The following CSGALNACT1 variants were observed in gnomAD, a reference collection of about 807,000 sequenced individuals.
The protein encoded by CSGALNACT1 is chondroitin sulfate N-acetylgalactosaminyltransferase 1.
In CSGALNACT1, 52 loss-of-function variants were observed where a neutral mutation model predicts 51.0. The observed-to-expected ratio is 1.02, with a 90% confidence interval of 0.82 to 1.29. The LOEUF (loss-of-function observed/expected upper bound fraction) is 1.29. Ranked by LOEUF, CSGALNACT1 falls within the 50% of genes most tolerant of loss-of-function variation. The pLI is 0.00. For missense variants in CSGALNACT1, 935 were observed against 679.2 expected (o/e 1.38, Z -4.19); for synonymous variants, 341 against 254.4 (o/e 1.34, Z -3.24).
At chr8:19,528,430 T>C (rs1220015643) in intron 3 of CSGALNACT1, among the ~76,000 whole-genome samples, 1 of 152,150 alleles carries the variant, frequency 6.6e-6, no homozygotes, top group African/African-American at 2.4e-5. Flanking sequence ...CACTCCATAA[T>C]TTTGTCTAAA....
At chr8:19,474,246 T>C (rs999926990) in intron 4 of CSGALNACT1, among the ~76,000 whole-genome samples, 5 of 152,066 alleles carry the variant, frequency 3.3e-5, no homozygotes, top group African/African-American at 1.2e-4. Flanking sequence ...CCCACCAACC[T>C]AGGAAAACAA....
chr8:19,632,534 T>A (rs1183566880), intron 1 of CSGALNACT1, among the ~76,000 whole-genome samples: 1 of 152,112 alleles, frequency 6.6e-6, no homozygotes, highest in South Asian at 2.1e-4. Context: ...CGGTTTTTAA[T>A]TGCTGCATTT....
chr8:19,724,106 G>A (rs1013167377), intron 1 of CSGALNACT1, among the ~76,000 whole-genome samples: 2 of 152,098 alleles, frequency 1.3e-5, no homozygotes, highest in Non-Finnish European at 2.9e-5. Context: ...AGCTGAGCAC[G>A]AGTTGTCCAG....
intron 1 of CSGALNACT1, among the ~76,000 whole-genome samples, chr8:19,632,241 A>G (rs895253189): frequency 1.3e-5 from 2 of 152,384 alleles, no homozygotes; most frequent in East Asian, 3.9e-4. Context: ...TCAAAATCAC[A>G]TAACACATCT....
At chr8:19,730,759 A>G (rs2063648339) in intron 1 of CSGALNACT1, among the ~76,000 whole-genome samples, 3 of 152,184 alleles carry the variant, frequency 2.0e-5, no homozygotes, top group Admixed American at 1.3e-4. Context: ...TTAGAGTAGA[A>G]TGTCCTTTAA....
intron 1 of CSGALNACT1, among the ~76,000 whole-genome samples, chr8:19,737,268 C>T (rs1341082133): frequency 6.6e-6 from 1 of 151,910 alleles, no homozygotes; most frequent in Non-Finnish European, 1.5e-5. Flanking sequence ...GTATATATCT[C>T]CCAGAAAGAG....
At chr8:19,467,426 T>C (rs1052199213) in intron 4 of CSGALNACT1, among the ~76,000 whole-genome samples, 1 of 152,060 alleles carries the variant, frequency 6.6e-6, no homozygotes, top group East Asian at 1.9e-4. Flanking sequence ...TGGCCAGTAC[T>C]AGCAGTTGAC....
intron 8 of CSGALNACT1, among the ~76,000 whole-genome samples, chr8:19,410,930 G>C (rs1563265496): frequency 6.6e-6 from 1 of 152,226 alleles, no homozygotes; most frequent in Non-Finnish European, 1.5e-5. Context: ...GCGCTCAATA[G>C]CAGTCTGGCG....
chr8:19,756,998 G>GA (rs1554478618), intron 1 of CSGALNACT1, among the ~76,000 whole-genome samples, 188 bp downstream of exon 1: 2 of 150,662 alleles, frequency 1.3e-5, no homozygotes, highest in African/African-American at 4.9e-5. Flanking sequence ...CGTGCCCTGG[G>GA]CCCCCGGCGG....
chr8:19,682,832 C>T (rs1255606388), upstream of CSGALNACT1: 3 of 431,136 alleles, frequency 7.0e-6, no homozygotes, highest in Admixed American at 4.9e-5. Flanking sequence ...TCCTGTTCTG[C>T]AATCAGGGCC....
chr8:19,725,019 C>T (rs2154241839), intron 1 of CSGALNACT1, among the ~76,000 whole-genome samples: 1 of 152,336 alleles, frequency 6.6e-6, no homozygotes. Flanking sequence ...GGCTGTCTGA[C>T]TCATGAGCTC....
At chr8:19,510,058 T>C (rs1037105518) in intron 3 of CSGALNACT1, among the ~76,000 whole-genome samples, 2 of 152,172 alleles carry the variant, frequency 1.3e-5, no homozygotes, top group Non-Finnish European at 2.9e-5. Context: ...TTTTTGTTTT[T>C]TTAATTGTAG....
chr8:19,700,623 T>C (rs1589587977), intron 1 of CSGALNACT1, among the ~76,000 whole-genome samples: 4 of 152,280 alleles, frequency 2.6e-5, no homozygotes, highest in Non-Finnish European at 1.5e-5. Flanking sequence ...GCACCTACAA[T>C]TGATTGAACT....
intron 1 of CSGALNACT1, among the ~76,000 whole-genome samples, chr8:19,656,797 G>A (rs2058319508): frequency 6.6e-6 from 1 of 152,192 alleles, no homozygotes; most frequent in African/African-American, 2.4e-5. Context: ...GCCAGATGCA[G>A]TGGCTCACGC....
At chr8:19,648,218 C>CTGT (rs1190834988) in intron 1 of CSGALNACT1, among the ~76,000 whole-genome samples, 2 of 152,210 alleles carry the variant, frequency 1.3e-5, no homozygotes, top group South Asian at 2.1e-4. Context: ...ACCACTCAAT[C>CTGT]TGTTCCAAAG....
chr8:19,716,115 C>T (rs1256043493), intron 1 of CSGALNACT1, among the ~76,000 whole-genome samples: 2 of 152,130 alleles, frequency 1.3e-5, no homozygotes, highest in Non-Finnish European at 2.9e-5. Context: ...AGTGATCCTG[C>T]CAATCCTTCA....
chr8:19,456,296 A>G (rs2064079784), intron 5 of CSGALNACT1, among the ~76,000 whole-genome samples: 1 of 152,176 alleles, frequency 6.6e-6, no homozygotes, highest in Non-Finnish European at 1.5e-5. Context: ...CCGAGCAGAT[A>G]CTTCTTTAGT....
At chr8:19,495,176 C>T (rs2075236085) in intron 4 of CSGALNACT1, 3 of 152,152 alleles carry the variant, frequency 2.0e-5, no homozygotes. Flanking sequence ...CTCATCAGGG[C>T]CATCCACATG....
At chr8:19,724,631 C>T (rs1452073966) in intron 1 of CSGALNACT1, among the ~76,000 whole-genome samples, 3 of 152,220 alleles carry the variant, frequency 2.0e-5, no homozygotes, top group Non-Finnish European at 4.4e-5. Flanking sequence ...AGGACATGGC[C>T]GCCTTTGGGA....
Sources: allele counts gnomAD v4.1 joint callset (sites outside exome capture counted in the v4.1 genomes callset), GRCh38; gene constraint gnomAD v4.1.1; transcripts MANE v1.5; gene names NCBI Gene and HGNC (gene_info 2026-07-23, HGNC 2026-07-21).